Variants in TEAD1 observed in about 807,000 individuals in gnomAD.
TEAD1 encodes TEA domain transcription factor 1, also known as transcriptional enhancer factor TEF-1.
In TEAD1, 9 loss-of-function variants were observed where a neutral mutation model predicts 54.9. The ratio of observed to expected loss-of-function variants is 0.16; its 90% CI spans 0.10 to 0.29. The LOEUF (loss-of-function observed/expected upper bound fraction) is 0.29. Among genes scored for constraint, TEAD1 ranks in the 10% least tolerant of loss-of-function variants. The probability of loss-of-function intolerance (pLI) is 1.00; values close to 1 mark genes in which losing one functional copy is unlikely to be tolerated. For missense variants in TEAD1, 387 were observed against 535.9 expected, an observed-to-expected ratio of 0.72 and a Z score of 2.74; for synonymous variants, 200 against 187.8, an observed-to-expected ratio of 1.07 and a Z score of -0.53.
chr11:12,814,011 G>C (rs1179974439), intron 3 of TEAD1, among the ~76,000 whole-genome samples: 3 of 152,150 alleles, frequency 2.0e-5, no homozygotes, highest in Non-Finnish European at 4.4e-5. Context: ...TTCCCCATTG[G>C]CACAGCATCA....
intron 2 of TEAD1, among the ~76,000 whole-genome samples, chr11:12,739,198 TTCTATCTATCTATCTATCTATCTG>T (rs1425015634): frequency 1.4e-5 from 2 of 146,858 alleles, no homozygotes; most frequent in African/African-American, 2.6e-5. Context: ...GTCTCATTCT[TTCTATCTATCTATCTATCTATCTG>T]TCTATCTATC....
chr11:12,746,812 G>A (rs958869062), intron 2 of TEAD1, among the ~76,000 whole-genome samples: 2 of 152,254 alleles, frequency 1.3e-5, no homozygotes, highest in Admixed American at 1.3e-4. Flanking sequence ...GAGCCAGGCT[G>A]CGTTCTCCCA....
At chr11:12,745,153 G>A (rs932927220) in intron 2 of TEAD1, among the ~76,000 whole-genome samples, 2 of 152,192 alleles carry the variant, frequency 1.3e-5, no homozygotes, top group African/African-American at 2.4e-5. Context: ...AAGTGACCAG[G>A]CACGCTGAAC....
chr11:12,840,018 C>T (rs1249037430), intron 3 of TEAD1, among the ~76,000 whole-genome samples: 4 of 151,776 alleles, frequency 2.6e-5, no homozygotes, highest in Admixed American at 6.6e-5. Context: ...GAGGCCGAGG[C>T]GGGTGAATCA....
At chr11:12,918,473 G>A (rs1159875498) in intron 10 of TEAD1, among the ~76,000 whole-genome samples, 2 of 152,048 alleles carry the variant, frequency 1.3e-5, no homozygotes, top group Non-Finnish European at 2.9e-5. Context: ...CAAAGCAGTT[G>A]TAATGGCAAA....
chr11:12,871,725 C>A (rs1484266534), intron 5 of TEAD1, among the ~76,000 whole-genome samples: 1 of 152,104 alleles, frequency 6.6e-6, no homozygotes, highest in Admixed American at 6.5e-5. Context: ...GAAGATGGGC[C>A]AAGCCACCTC....
At chr11:12,923,726 AG>A (rs1276037389) in intron 10 of TEAD1, among the ~76,000 whole-genome samples, 2 of 152,222 alleles carry the variant, frequency 1.3e-5, no homozygotes, top group Non-Finnish European at 2.9e-5. Flanking sequence ...ATCTGGTGGA[AG>A]GCACATGAAG....
intron 3 of TEAD1, among the ~76,000 whole-genome samples, chr11:12,843,388 G>A (rs1564960346): frequency 6.6e-6 from 1 of 152,238 alleles, no homozygotes; most frequent in Non-Finnish European, 1.5e-5. Context: ...TTCTTCCAGT[G>A]TCTACGAATT....
At chr11:12,936,430 C>A (rs1405093479) in intron 12 of TEAD1, among the ~76,000 whole-genome samples, 1 of 152,204 alleles carries the variant, frequency 6.6e-6, no homozygotes, top group Non-Finnish European at 1.5e-5. Context: ...TCAGCAGATA[C>A]TTTTCTGGGT....
rs1949132061 is a variant in TEAD1, at chr11:12,938,729, CAG to C, written c.*1510_*1511del. ...TAAGTATTCCAGAGCATTGCCCAGG[CAG>C]AGTTGGTTTGATGTGGCCAGATGTT... On this transcript the variant is annotated 3_prime_UTR_variant, in exon 13 of 13. Coordinates refer to ENST00000527636, the MANE Select transcript of TEAD1 (RefSeq NM_021961.6). 1 of 152,244 alleles carries C rather than the reference CAG, an allele frequency of 6.6e-6. No homozygotes were observed. Among genetic ancestry groups the C allele is most frequent in the Non-Finnish European group, 1.5e-5 (1 of 68,058 alleles). 9.4% of individuals were successfully genotyped at this position (152,244 alleles called of 1,614,324 possible).
intron 2 of TEAD1, among the ~76,000 whole-genome samples, chr11:12,704,372 C>T (rs1296988254): frequency 6.6e-6 from 1 of 152,234 alleles, no homozygotes; most frequent in Non-Finnish European, 1.5e-5. Context: ...TTCTCTCTTC[C>T]AGCCTCCTGG....
chr11:12,917,297 A>G (rs1196557254), intron 10 of TEAD1, among the ~76,000 whole-genome samples: 1 of 152,176 alleles, frequency 6.6e-6, no homozygotes, highest in East Asian at 1.9e-4. Context: ...AGAAGCTGGA[A>G]GAGGCAAGGA....
intron 2 of TEAD1, among the ~76,000 whole-genome samples, chr11:12,686,208 G>A (rs1451381883): frequency 6.6e-6 from 1 of 152,138 alleles, no homozygotes; most frequent in Non-Finnish European, 1.5e-5. Flanking sequence ...GTACTAATAG[G>A]AAATTGTCAG....
chr11:12,802,488 C>T (rs1381642590), intron 3 of TEAD1, among the ~76,000 whole-genome samples: 1 of 152,048 alleles, frequency 6.6e-6, no homozygotes, highest in African/African-American at 2.4e-5. Context: ...ACATGTTCCC[C>T]CCATCTCACC....
chr11:12,916,757 G>T (rs1331397346), intron 10 of TEAD1, among the ~76,000 whole-genome samples: 2 of 152,228 alleles, frequency 1.3e-5, no homozygotes, highest in Non-Finnish European at 2.9e-5. Context: ...GTGTCGGACT[G>T]GATGGGATGA....
rs186022379 is a variant in TEAD1, at chr11:12,791,234, G to A, written c.202+26800G>A. Among the ~76,000 whole-genome samples, 98 of 152,298 alleles carry A rather than the reference G, an allele frequency of 6.4e-4. 2 individuals carry two copies. The South Asian group carries it at 7.0e-3, about 11-fold the overall frequency. ...TCTCATTTATAACTTCCAGATAACA[G>A]CCTAAGTTTGGTCTATGTTTAAGGA... On this transcript the variant is annotated intron_variant, in intron 3 of 12. Coordinates refer to ENST00000527636, the MANE Select transcript of TEAD1 (RefSeq NM_021961.6).
At chr11:12,862,110 T>G (rs1415812307) in intron 3 of TEAD1, 140 bp from the exon 4 acceptor site, 2 of 670,952 alleles carry the variant, frequency 3.0e-6, no homozygotes, top group African/African-American at 1.8e-5. Flanking sequence ...ACAATTGTGC[T>G]GTTTTATTTT....
intron 2 of TEAD1, among the ~76,000 whole-genome samples, chr11:12,696,142 C>G (rs766575679): frequency 5.3e-5 from 8 of 152,202 alleles, no homozygotes; most frequent in African/African-American, 1.9e-4. Context: ...TTTAGGAAAA[C>G]TTTGTGGATT....
chr11:12,890,547 C>A (rs574453499), intron 9 of TEAD1, among the ~76,000 whole-genome samples: 1 of 152,168 alleles, frequency 6.6e-6, no homozygotes, highest in Non-Finnish European at 1.5e-5. Context: ...TCCAGTCTGT[C>A]TTAAGTGGAC....
Sources: gnomAD v4.1 joint callset for allele counts (sites outside exome capture counted in the v4.1 genomes callset) on GRCh38, gnomAD v4.1.1 for gene constraint, MANE v1.5 for transcripts, NCBI Gene and HGNC (gene_info 2026-07-23, HGNC 2026-07-21) for gene names.